Variants in SNTB1 observed in about 807,000 individuals in gnomAD.
The protein encoded by SNTB1 is syntrophin beta 1.
In SNTB1, 36 loss-of-function variants were observed where a neutral mutation model predicts 48.9. That is an observed-to-expected ratio of 0.74 (90% CI 0.56 to 0.97). The LOEUF is 0.97. Ranked by LOEUF, SNTB1 falls within the 50% of genes least tolerant of loss-of-function variation. SNTB1 has a pLI of 0.00. For synonymous variants in SNTB1, 299 were observed against 294.6 expected, an observed-to-expected ratio of 1.01 and a Z score of -0.15; for missense variants, 786 against 703.4, an observed-to-expected ratio of 1.12 and a Z score of -1.33.
intron 1 of SNTB1, chr8:120,761,450 T>G (rs1376479544): frequency 4.6e-5 from 7 of 152,324 alleles, no homozygotes; most frequent in Non-Finnish European, 1.0e-4. Flanking sequence ...ATCTCTATAG[T>G]TGCAAATAGG....
chr8:120,780,889 T>A (rs1819821746), intron 1 of SNTB1, among the ~76,000 whole-genome samples: 1 of 152,260 alleles, frequency 6.6e-6, no homozygotes, highest in Non-Finnish European at 1.5e-5. Context: ...GTTCACCTTT[T>A]GTTTTAATTT....
chr8:120,576,493 A>G (rs1815953136), intron 3 of SNTB1, among the ~76,000 whole-genome samples: 1 of 152,224 alleles, frequency 6.6e-6, no homozygotes, highest in Non-Finnish European at 1.5e-5. Context: ...GAGAAGATTT[A>G]CAGAATGATG....
intron 1 of SNTB1, among the ~76,000 whole-genome samples, chr8:120,767,322 C>T (rs557585036): frequency 2.6e-5 from 4 of 152,258 alleles, no homozygotes; most frequent in Non-Finnish European, 5.9e-5. Context: ...TCTCTGGGGA[C>T]CCCTGCATTG....
chr8:120,653,872 T>C (rs1213229063), intron 2 of SNTB1, among the ~76,000 whole-genome samples: 3 of 151,070 alleles, frequency 2.0e-5, no homozygotes, highest in Non-Finnish European at 4.4e-5. Context: ...ACCCCGTCTC[T>C]ACTAAAAATA....
intron 1 of SNTB1, among the ~76,000 whole-genome samples, chr8:120,742,405 C>T (rs998660457): frequency 1.2e-4 from 18 of 152,188 alleles, no homozygotes; most frequent in African/African-American, 3.9e-4. Context: ...ACTGGCTCGC[C>T]TGTTCTGGAG....
intron 2 of SNTB1, chr8:120,655,011 C>G (rs777089388): frequency 2.2e-6 from 1 of 455,796 alleles, no homozygotes. Flanking sequence ...GCCTTCAGTT[C>G]CTCAAATCTG....
intron 2 of SNTB1, among the ~76,000 whole-genome samples, chr8:120,636,238 T>C (rs184351928): frequency 6.6e-6 from 1 of 152,086 alleles, no homozygotes; most frequent in East Asian, 1.9e-4. Flanking sequence ...CTTCTTCTTT[T>C]TTTTTATTTT....
rs10524445 is a variant in SNTB1, at chr8:120,583,514, AACACACACACACAC to A, written c.997-8303_997-8290del. Among the ~76,000 whole-genome samples, 483 of 143,102 alleles carry A rather than the reference AACACACACACACAC, an allele frequency of 3.4e-3. 3 individuals carry two copies. The highest frequency in any genetic ancestry group is 6.9e-3 in the Middle Eastern group (2 of 288). 93.9% of individuals were successfully genotyped at this position (143,102 alleles called of 152,430 possible). On this transcript the variant is annotated intron_variant, in intron 3 of 6. Transcript: ENST00000517992. ...GTGAAAGAGGGAAACTCCGTCTCAAAACACACACACACACACACACACACACACACACACACACA... is the reference window on the plus strand; with the variant it reads ...GTGAAAGAGGGAAACTCCGTCTCAAAACACACACACACACACACACACACA...
Position 120,709,343 on chromosome 8 carries a change from G to C in SNTB1, c.572-15435C>G, listed in dbSNP as rs899992061. Among the ~76,000 whole-genome samples the C allele has an allele frequency of 2.6e-5, 4 of 152,246 alleles. 1 individual carries two copies. Among genetic ancestry groups the C allele is most frequent in the Admixed American group, 2.6e-4 (4 of 15,282 alleles). ...TATGGGAAGAAATACAGGCTTCTGG[G>C]ATGAGAGTGAACTATTTCAGTTTTG... On this transcript the variant is annotated intron_variant, in intron 1 of 6. Transcript: ENST00000517992.
At chr8:120,606,409 ATG>A (rs10559437) in intron 3 of SNTB1, among the ~76,000 whole-genome samples, 80,080 of 147,678 alleles carry the variant, frequency 0.54, 22,560 homozygotes, top group Non-Finnish European at 0.64. Context: ...GTGTGTATAT[ATG>A]TGTGTGTGTG....
intron 1 of SNTB1, among the ~76,000 whole-genome samples, chr8:120,807,583 G>A (rs1170350733): frequency 2.6e-5 from 4 of 152,228 alleles, no homozygotes; most frequent in Non-Finnish European, 4.4e-5. Flanking sequence ...TGCTGGCCAT[G>A]TGTTTAACCA....
chr8:120,790,808 A>C (rs1384006309), intron 1 of SNTB1, among the ~76,000 whole-genome samples: 2 of 151,984 alleles, frequency 1.3e-5, no homozygotes, highest in Admixed American at 1.3e-4. Flanking sequence ...GAAAATGGAC[A>C]TACTGCCCAA....
At chr8:120,734,942 CA>C (rs1818918063) in intron 1 of SNTB1, among the ~76,000 whole-genome samples, 1 of 152,124 alleles carries the variant, frequency 6.6e-6, no homozygotes, top group East Asian at 1.9e-4. Flanking sequence ...AACTGTTTTT[CA>C]AACCAGCCCA....
intron 2 of SNTB1, among the ~76,000 whole-genome samples, chr8:120,657,353 C>T (rs963003809): frequency 1.3e-5 from 2 of 152,138 alleles, no homozygotes; most frequent in Non-Finnish European, 2.9e-5. Flanking sequence ...CAATCACTAA[C>T]CTAGGATGAG....
At position 120,778,973 on chromosome 8, in the gene SNTB1, A is replaced by G. The variant is rs111236557; in HGVS notation, c.571+32300T>C. ...AGTCATTTATTCATTTATCCACTCC[A>G]TCATTCATTTGTTTATTTATTCATT... is the stretch of plus-strand genomic sequence containing the variant. On this transcript the variant is annotated intron_variant, in intron 1 of 6. Transcript: ENST00000517992. Among the ~76,000 whole-genome samples the G allele has an allele frequency of 2.6e-3, 398 of 152,284 alleles. 3 individuals carry two copies. Among genetic ancestry groups the G allele is most frequent in the African/African-American group, 9.2e-3 (381 of 41,552 alleles).
intron 4 of SNTB1, among the ~76,000 whole-genome samples, chr8:120,569,175 T>C (rs1482069645): frequency 6.6e-6 from 1 of 152,140 alleles, no homozygotes; most frequent in Non-Finnish European, 1.5e-5. Context: ...GAGACGGGGT[T>C]TCACCATGTT....
chr8:120,646,822 G>T (rs1817305725), intron 2 of SNTB1, among the ~76,000 whole-genome samples: 2 of 152,096 alleles, frequency 1.3e-5, no homozygotes, highest in South Asian at 4.2e-4. Context: ...GTAAGCTATT[G>T]ATTATTGCCA....
At chr8:120,752,723 A>G (rs913249936) in intron 1 of SNTB1, among the ~76,000 whole-genome samples, 1 of 152,170 alleles carries the variant, frequency 6.6e-6, no homozygotes, top group Non-Finnish European at 1.5e-5. Context: ...ATGCAGGAAC[A>G]GAAAACCAAA....
chr8:120,579,656 G>A (rs1453031511), intron 3 of SNTB1, among the ~76,000 whole-genome samples: 1 of 152,096 alleles, frequency 6.6e-6, no homozygotes, highest in East Asian at 1.9e-4. Flanking sequence ...TCCAGCCTGC[G>A]TGACAGAGTG....
Sources: allele counts gnomAD v4.1 joint callset (sites outside exome capture counted in the v4.1 genomes callset), GRCh38; gene constraint gnomAD v4.1.1; transcripts MANE v1.5; gene names NCBI Gene and HGNC (gene_info 2026-07-23, HGNC 2026-07-21).